Variants in RBCK1 observed in about 807,000 individuals in gnomAD.
The protein encoded by RBCK1 is RANBP2-type and C3HC4-type zinc finger containing 1, also known as ranBP-type and C3HC4-type zinc finger-containing protein 1.
A neutral mutation model predicts 71.1 loss-of-function variants in RBCK1; 44 were observed. The observed-to-expected ratio is 0.62, with a 90% CI of 0.49 to 0.80. The LOEUF is 0.80. RBCK1 is among the 30% of genes least tolerant of loss of function. The pLI is 0.00. For synonymous variants in RBCK1, 306 were observed against 279.7 expected, an observed-to-expected ratio of 1.09 and a Z score of -0.94; for missense variants, 569 against 685.0, an observed-to-expected ratio of 0.83 and a Z score of 1.89.
intron 4 of RBCK1, 56 bp from the exon 5 acceptor site, chr20:419,291 T>G: frequency 6.2e-7 from 1 of 1,607,074 alleles, no homozygotes; most frequent in Non-Finnish European, 8.5e-7. Flanking sequence ...CCCACCCCCA[T>G]GGGTGTGGAC....
chr20:411,289 A>C (rs994502572), intron 2 of RBCK1, among the ~76,000 whole-genome samples: 1 of 151,734 alleles, frequency 6.6e-6, no homozygotes, highest in African/African-American at 2.4e-5. Flanking sequence ...CTACAGCCTC[A>C]ACTTCCTGGA....
Position 420,178 on chromosome 20 carries a change from C to G in RBCK1, c.756+447C>G, listed in dbSNP as rs564936469. On this transcript the variant is annotated intron_variant, in intron 6 of 11. Transcript: ENST00000356286. Reference sequence around the variant, plus strand: ...CCCTGGACTCTCCTACTCCTGACCTCTTCCCTCTCGGGCTGGGCCCACCCC... The same window carrying G: ...CCCTGGACTCTCCTACTCCTGACCTGTTCCCTCTCGGGCTGGGCCCACCCC... 3.0e-6 allele frequency: 3 copies of G among 985,246 alleles called. No individual in the cohort carries two copies. The African/African-American group carries it at 5.2e-5, about 17-fold the overall frequency. The allele number at this position is 985,246 out of a possible 1,614,324, so 61.0% of individuals were successfully genotyped here.
chr20:410,582 G>A (rs1171245063), intron 2 of RBCK1: 2 of 779,514 alleles, frequency 2.6e-6, no homozygotes, highest in Admixed American at 1.7e-5. Context: ...CTACAGTTCA[G>A]CTTGAGGGGA....
intron 8 of RBCK1, among the ~76,000 whole-genome samples, chr20:424,459 CCTA>C (rs1323460979): frequency 7.9e-5 from 12 of 152,188 alleles, no homozygotes; most frequent in African/African-American, 2.9e-4. Context: ...CTCCTATGCC[CCTA>C]TTTCTCCTGA....
At chr20:416,743 T>TA (rs1249855902) in intron 2 of RBCK1, among the ~76,000 whole-genome samples, 1 of 152,198 alleles carries the variant, frequency 6.6e-6, no homozygotes, top group Non-Finnish European at 1.5e-5. Flanking sequence ...CTTACTCCTG[T>TA]AATCCCACTT....
At position 430,296 on chromosome 20, in the gene RBCK1, G is replaced by T. The variant is rs976568118; in HGVS notation, c.1453-54G>T. On this transcript the variant is annotated intron_variant, in intron 11 of 11. Coordinates refer to ENST00000356286, the MANE Select transcript of RBCK1 (RefSeq NM_031229.4). This position sits in a 1 kb window ranked among gnomAD's most constrained non-coding sequence, Gnocchi z 5.6. Reference sequence around the variant, plus strand: ...CCGGGGTGGGAGAGCGCTCGGCTGTGGGGGCAGTCTCTGCACTGCGCTGAC... The same window carrying T: ...CCGGGGTGGGAGAGCGCTCGGCTGTTGGGGCAGTCTCTGCACTGCGCTGAC... The T allele has an allele frequency of 1.3e-5, 19 of 1,484,248 alleles. No homozygotes were observed. Among genetic ancestry groups the T allele is most frequent in the Non-Finnish European group, 1.6e-5 (17 of 1,064,548 alleles). 91.9% of individuals were successfully genotyped at this position (1,484,248 alleles called of 1,614,324 possible). A position where few individuals can be genotyped will look rare whatever the true frequency, so the allele number is the denominator to read the frequency against.
At chr20:418,633 G>C (rs540128705) in intron 4 of RBCK1, among the ~76,000 whole-genome samples, 1 of 152,342 alleles carries the variant, frequency 6.6e-6, no homozygotes, top group South Asian at 2.1e-4. Context: ...CTCCCAAAGT[G>C]CTGGGATTAC....
At chr20:409,499 G>A (rs2015569379) in intron 1 of RBCK1, among the ~76,000 whole-genome samples, 1 of 148,886 alleles carries the variant, frequency 6.7e-6, no homozygotes, top group Admixed American at 6.7e-5. Flanking sequence ...CTTGTTCATT[G>A]TCTCCCCACT....
In RBCK1 at chr20:419,377, C is replaced by T; in HGVS notation, c.491C>T (p.Pro164Leu). 6.2e-7 allele frequency: 1 copy of T among 1,612,440 alleles called. No homozygotes were observed. The highest frequency in any genetic ancestry group is 8.5e-7 in the Non-Finnish European group (1 of 1,179,786). The change falls in exon 5 of 12, where the codon CCG becomes CTG. Residue 164 changes from proline to leucine, a missense_variant. Around this residue, in one of 2 missense-constraint regions of RBCK1, gnomAD observed 358 missense variants for 375.6 expected, o/e 0.95. Transcript: ENST00000356286. The part of the protein sequence containing the change: ...DLGFKDLTLQ[P>L]RGPLEPGPPK... ...GGCTTCAAGGACCTCACGCTGCAGC[C>T]GCGGGGCCCTCTGGAGCCAGGCCCC...
At chr20:416,217 G>A (rs113523442) in intron 2 of RBCK1, among the ~76,000 whole-genome samples, 1 of 149,446 alleles carries the variant, frequency 6.7e-6, no homozygotes, top group African/African-American at 2.5e-5. Flanking sequence ...GTGCGGTGGC[G>A]CAATCTTGGC....
intron 11 of RBCK1, 54 bp downstream of exon 11, chr20:429,148 AGAG>A (rs2016890647): frequency 1.3e-6 from 2 of 1,556,412 alleles, no homozygotes; most frequent in South Asian, 2.4e-5. Flanking sequence ...GCTTTGCCTT[AGAG>A]GAGGGCTGGG....
chr20:419,261 G>C, intron 4 of RBCK1, 86 bp from the exon 5 acceptor site: 1 of 1,568,076 alleles, frequency 6.4e-7, no homozygotes, highest in Non-Finnish European at 8.7e-7. Flanking sequence ...GGGAGGGTCT[G>C]CCTGGCTGGC....
At chr20:423,295 G>T (rs1055955983) in intron 8 of RBCK1, among the ~76,000 whole-genome samples, 1 of 152,100 alleles carries the variant, frequency 6.6e-6, no homozygotes, top group Non-Finnish European at 1.5e-5. Flanking sequence ...GCGAAACTCC[G>T]TCTGAAAATA....
At chr20:425,752 G>A (rs2016679943) in intron 8 of RBCK1, among the ~76,000 whole-genome samples, 1 of 151,090 alleles carries the variant, frequency 6.6e-6, no homozygotes, top group South Asian at 2.1e-4. Flanking sequence ...TCAGCCTCCC[G>A]AGTAGCTGGG....
At chr20:418,516 C>T (rs1011364714) in intron 4 of RBCK1, among the ~76,000 whole-genome samples, 1 of 152,028 alleles carries the variant, frequency 6.6e-6, no homozygotes, top group Non-Finnish European at 1.5e-5. Flanking sequence ...CTACAGGCGC[C>T]CGCCACCACG....
Position 417,685 on chromosome 20 carries a change from C to T in RBCK1, c.262-47C>T. On this transcript the variant is annotated intron_variant, in intron 3 of 11. Coordinates refer to ENST00000356286, the MANE Select transcript of RBCK1 (RefSeq NM_031229.4). This position sits in a 1 kb window ranked among gnomAD's most constrained non-coding sequence, Gnocchi z 4.7. ...TCCCTTTCACTCCTGCTTCCTCTCT[C>T]TCCTCTGGCCCTCCCTTCCCACTCT... 5.6e-6 allele frequency: 9 copies of T among 1,603,644 alleles called. No individual in the cohort carries two copies. Among genetic ancestry groups the T allele is most frequent in the Non-Finnish European group, 7.7e-6 (9 of 1,171,218 alleles).
rs796666596 is a variant in RBCK1 at position 417,053 on chromosome 20, C to G, written c.168-473C>G. 6.2e-4 allele frequency among the ~76,000 whole-genome samples: 95 copies of G among 152,298 alleles called. No individual in the cohort carries two copies. The highest frequency in any genetic ancestry group is 2.2e-3 in the African/African-American group (91 of 41,568). On this transcript the variant is annotated intron_variant, in intron 2 of 11. Transcript: ENST00000356286. This position sits in a 1 kb window ranked among gnomAD's most constrained non-coding sequence, Gnocchi z 4.7. Reference sequence around the variant, plus strand: ...AACAGTTATTAGTTGCTTAGTTTGGCAGAGTCACTGGAACCTATCTGTGCC... The same window carrying G: ...AACAGTTATTAGTTGCTTAGTTTGGGAGAGTCACTGGAACCTATCTGTGCC...
intron 2 of RBCK1, among the ~76,000 whole-genome samples, chr20:413,022 C>T (rs1012263581): frequency 2.6e-5 from 4 of 152,016 alleles, no homozygotes; most frequent in Admixed American, 1.3e-4. Flanking sequence ...TGAGTTGTGC[C>T]GGCACTATTT....
At position 420,981 on chromosome 20, in the gene RBCK1, G is replaced by T; in HGVS notation, c.867G>T (p.Leu289=). Reference sequence around the variant, plus strand: ...AGTGCCCCGTGTGCTACTCGGTGCTGGCGCCCGGCGAGGCCGTGGTGCTGC... The same window carrying T: ...AGTGCCCCGTGTGCTACTCGGTGCTTGCGCCCGGCGAGGCCGTGGTGCTGC... The part of the protein sequence containing the change: ...PAECPVCYSV[L]APGEAVVLRE... The change falls in exon 7 of 12, where the codon CTG becomes CTT. Residue 289 remains leucine (L), a synonymous_variant. Coordinates refer to ENST00000356286, the MANE Select transcript of RBCK1 (RefSeq NM_031229.4). 6.4e-7 allele frequency: 1 copy of T among 1,563,636 alleles called. No individual in the cohort carries two copies. Among genetic ancestry groups the T allele is most frequent in the Non-Finnish European group, 8.7e-7 (1 of 1,155,212 alleles).
Sources: allele counts gnomAD v4.1 joint callset (sites outside exome capture counted in the v4.1 genomes callset), GRCh38; gene constraint gnomAD v4.1.1; regional missense constraint gnomAD v4.1.1; non-coding constraint Gnocchi (gnomAD v3.1); transcripts MANE v1.5; gene names NCBI Gene and HGNC (gene_info 2026-07-23, HGNC 2026-07-21).